GRIA3: variants seen among roughly 807,000 people sequenced by gnomAD.
GRIA3 encodes glutamate receptor 3.
In GRIA3, 3 loss-of-function variants were observed where a neutral mutation model predicts 63.0. The observed-to-expected ratio is 0.05, with a 90% CI of 0.02 to 0.12. The LOEUF is 0.12. Among genes scored for constraint, GRIA3 ranks in the 10% least tolerant of loss-of-function variants. GRIA3 has a pLI of 1.00. For missense variants in GRIA3, 347 were observed against 700.9 expected, an observed-to-expected ratio of 0.50 and a Z score of 5.70; for synonymous variants, 274 against 257.9, an observed-to-expected ratio of 1.06 and a Z score of -0.60.
chrX:123,325,782 A>T (rs5911590), intron 3 of GRIA3, among the ~76,000 whole-genome samples: 4 of 111,035 alleles, frequency 3.6e-5, no homozygotes, highest in Non-Finnish European at 7.6e-5. Context: ...AATATAATTC[A>T]GCTGTGAGCT....
chrX:123,252,953 G>C (rs931494310), intron 2 of GRIA3, among the ~76,000 whole-genome samples: 2 of 111,873 alleles, frequency 1.8e-5, no homozygotes, highest in African/African-American at 6.5e-5. Flanking sequence ...TTTGATGGAC[G>C]CATTAGTACA....
At position 123,483,105 on chromosome X, in the gene GRIA3, T is replaced by C. The variant is rs1174185467; in HGVS notation, c.*2+59T>C. The C allele has an allele frequency of 3.0e-6, 3 of 986,844 alleles. No individual in the cohort carries two copies. The African/African-American group carries it at 5.9e-5, about 19-fold the overall frequency. 81.3% of individuals were successfully genotyped at this position (986,844 alleles called of 1,213,427 possible). On this transcript the variant is annotated intron_variant, in intron 15 of 15. Coordinates refer to ENST00000620443, the MANE Select transcript of GRIA3 (RefSeq NM_007325.5). ...ACTTTACTGTATGTCAATCTCTTTT[T>C]TTCTTCTTTTTTTTTTTTTTTAGTT...
At chrX:123,387,456 C>T (rs1211475093) in intron 5 of GRIA3, among the ~76,000 whole-genome samples, 1 of 111,458 alleles carries the variant, frequency 9.0e-6, no homozygotes, top group African/African-American at 3.3e-5. Context: ...CTGGGTACGA[C>T]TTCCAGTAAT....
rs929311818 is a variant in GRIA3 at position 123,349,223 on chromosome X, A to T, written c.697-5687A>T. The stretch of plus-strand genomic sequence containing the variant: ...TGAGAAATGCTGTTTTAGGATTAAG[A>T]CAATGAAGTGTTCCCACAAAGGTCA... On this transcript the variant is annotated intron_variant, in intron 4 of 15. Coordinates refer to ENST00000620443, the MANE Select transcript of GRIA3 (RefSeq NM_007325.5). Among the ~76,000 whole-genome samples, 5 of 112,371 alleles carry T rather than the reference A, an allele frequency of 4.4e-5. No homozygotes were observed. The Admixed American group carries it at 4.7e-4, about 11-fold the overall frequency.
intron 4 of GRIA3, among the ~76,000 whole-genome samples, chrX:123,348,722 T>C (rs749185117): frequency 8.9e-6 from 1 of 112,250 alleles, no homozygotes; most frequent in East Asian, 2.8e-4. Context: ...GGAAAATACA[T>C]GTAAATTGCC....
intron 12 of GRIA3, among the ~76,000 whole-genome samples, chrX:123,459,447 C>T (rs1456897046): frequency 8.9e-6 from 1 of 111,739 alleles, no homozygotes; most frequent in African/African-American, 3.2e-5. Context: ...ATATATTTGA[C>T]CTTCATGATG....
chrX:123,229,395 C>CT (rs1407948754), intron 2 of GRIA3, among the ~76,000 whole-genome samples: 2 of 111,948 alleles, frequency 1.8e-5, no homozygotes, highest in Non-Finnish European at 3.8e-5. Flanking sequence ...ATCACAGTTA[C>CT]TTTTTTTGCT....
chrX:123,316,009 C>CAAAA (rs2044828469), intron 3 of GRIA3, among the ~76,000 whole-genome samples: 1 of 22,665 alleles, frequency 4.4e-5, no homozygotes, highest in African/African-American at 8.7e-5. Context: ...GACCCCATCT[C>CAAAA]TAAAAAAAAA....
intron 10 of GRIA3, among the ~76,000 whole-genome samples, chrX:123,407,210 T>G (rs1310788019): frequency 9.0e-6 from 1 of 111,593 alleles, no homozygotes; most frequent in Admixed American, 9.5e-5. Context: ...GGCTGCCAGA[T>G]ACTGTACTAA....
intron 3 of GRIA3, among the ~76,000 whole-genome samples, chrX:123,273,483 T>C (rs1041653386): frequency 7.1e-4 from 79 of 111,742 alleles, no homozygotes; most frequent in African/African-American, 2.5e-3. Flanking sequence ...CCAACCTAAG[T>C]CACACAGTTT....
At chrX:123,316,041 G>A (rs193296088) in intron 3 of GRIA3, among the ~76,000 whole-genome samples, 8 of 106,665 alleles carry the variant, frequency 7.5e-5, no homozygotes, top group South Asian at 4.1e-4. Flanking sequence ...AATTTTATTC[G>A]TCATTCACGT....
At chrX:123,290,003 G>A (rs1171310526) in intron 3 of GRIA3, among the ~76,000 whole-genome samples, 1 of 110,726 alleles carries the variant, frequency 9.0e-6, no homozygotes, top group Admixed American at 9.6e-5. Flanking sequence ...ACTGATATTG[G>A]TGTTTTCACT....
intron 2 of GRIA3, among the ~76,000 whole-genome samples, chrX:123,230,523 T>C (rs1357295732): frequency 3.6e-5 from 4 of 111,491 alleles, no homozygotes; most frequent in African/African-American, 1.3e-4. Context: ...GGGGGAGATA[T>C]TTATGGGCAT....
chrX:123,421,092 G>A (rs954251367), intron 11 of GRIA3, among the ~76,000 whole-genome samples: 6 of 110,267 alleles, frequency 5.4e-5, no homozygotes, highest in Non-Finnish European at 9.5e-5. Context: ...CAGAAATAGG[G>A]CACACAACCT....
chrX:123,322,276 C>T lies in GRIA3; in HGVS notation c.509-3750C>T, dbSNP rs777006250. 2.7e-5 allele frequency among the ~76,000 whole-genome samples: 3 copies of T among 112,237 alleles called. No individual in the cohort carries two copies. In the South Asian group the frequency reaches 1.1e-3, roughly 42 times the overall value. On this transcript the variant is annotated intron_variant, in intron 3 of 15. Transcript: ENST00000620443. The stretch of plus-strand genomic sequence containing the variant: ...TGGTAAAATGCAGATGACAATCTAG[C>T]ATTCACCCACTTACCTATATGGTAA...
chrX:123,461,477 A>C (rs1412695661), intron 12 of GRIA3, among the ~76,000 whole-genome samples: 1 of 112,014 alleles, frequency 8.9e-6, no homozygotes, highest in African/African-American at 3.2e-5. Flanking sequence ...TAATTTAAGC[A>C]GAAGCAAAAG....
intron 3 of GRIA3, among the ~76,000 whole-genome samples, chrX:123,272,780 T>TGA (rs763880065): frequency 2.7e-5 from 3 of 111,818 alleles, no homozygotes; most frequent in Non-Finnish European, 5.6e-5. Context: ...TTTCCAGCAC[T>TGA]GAGAGAGAGA....
intron 3 of GRIA3, among the ~76,000 whole-genome samples, chrX:123,266,168 T>G (rs1364845379): frequency 1.8e-5 from 2 of 112,104 alleles, no homozygotes; most frequent in East Asian, 2.8e-4. Context: ...TTTTGCTTCT[T>G]GAATATTTTT....
chrX:123,402,846 G>T, intron 7 of GRIA3, 148 bp from the exon 8 acceptor site: 1 of 415,453 alleles, frequency 2.4e-6, no homozygotes, highest in Non-Finnish European at 4.5e-6. Flanking sequence ...TGAAGATCTT[G>T]TATAGACTCG....
Sources: gnomAD v4.1 joint callset for allele counts (sites outside exome capture counted in the v4.1 genomes callset) on GRCh38, gnomAD v4.1.1 for gene constraint, MANE v1.5 for transcripts, NCBI Gene and HGNC (gene_info 2026-07-23, HGNC 2026-07-21) for gene names.